GALNT13: variants seen among roughly 807,000 people sequenced by gnomAD.
GALNT13 encodes UDP-GalNAc:polypeptide N-acetylgalactosaminyltransferase 13.
A neutral mutation model predicts 64.2 loss-of-function variants in GALNT13; 28 were observed. That is an observed-to-expected ratio of 0.44 (90% confidence interval 0.32 to 0.60). The LOEUF (loss-of-function observed/expected upper bound fraction) is 0.60, where lower values mean the gene tolerates loss of function less well. Ranked by LOEUF, GALNT13 falls within the 20% of genes least tolerant of loss-of-function variation. The pLI is 0.05. For missense variants in GALNT13, 577 were observed against 669.8 expected (o/e 0.86, Z 1.53); for synonymous variants, 214 against 224.6 (o/e 0.95, Z 0.42).
At chr2:154,008,603 G>C (rs1161429895) in intron 3 of GALNT13, among the ~76,000 whole-genome samples, 1 of 151,900 alleles carries the variant, frequency 6.6e-6, no homozygotes, top group Non-Finnish European at 1.5e-5. Context: ...TGCTCAACTA[G>C]GCCCTAGTGT....
chr2:153,470,527 A>G, the GALNT13 span, among the ~76,000 whole-genome samples: 7 of 152,228 alleles, frequency 4.6e-5, no homozygotes, highest in East Asian at 1.4e-3. Context: ...AGGGGCATCC[A>G]TGTATTTTTC....
the GALNT13 span, among the ~76,000 whole-genome samples, chr2:153,549,337 A>C: frequency 1.3e-5 from 2 of 152,226 alleles, no homozygotes; most frequent in East Asian, 3.9e-4. Context: ...TTCCCGTATT[A>C]TTTAACTGTT....
chr2:153,257,622 G>T, the GALNT13 span, among the ~76,000 whole-genome samples: 13 of 152,040 alleles, frequency 8.6e-5, no homozygotes, highest in Non-Finnish European at 1.5e-4. Context: ...TTGTTTATCA[G>T]AGCCAAGAAA....
At chr2:153,998,831 G>T (rs927645704) in intron 3 of GALNT13, among the ~76,000 whole-genome samples, 9 of 152,030 alleles carry the variant, frequency 5.9e-5, no homozygotes, top group African/African-American at 2.2e-4. Context: ...TGTGAGGGAA[G>T]GGTCCAGTTT....
chr2:153,536,688 AC>A, the GALNT13 span, among the ~76,000 whole-genome samples: 2 of 151,998 alleles, frequency 1.3e-5, no homozygotes, highest in Admixed American at 6.6e-5. Flanking sequence ...ATAGTGTAGA[AC>A]TTTACATTGT....
intron 3 of GALNT13, among the ~76,000 whole-genome samples, chr2:154,071,453 A>G (rs2105390493): frequency 6.6e-6 from 1 of 152,326 alleles, no homozygotes; most frequent in East Asian, 1.9e-4. Context: ...TATTGCAGAC[A>G]GAAAAAACAT....
At chr2:153,602,426 G>A in the GALNT13 span, among the ~76,000 whole-genome samples, 1 of 151,622 alleles carries the variant, frequency 6.6e-6, no homozygotes, top group Non-Finnish European at 1.5e-5. Context: ...TTGGTGGGTA[G>A]GGGGGCAGGT....
the GALNT13 span, among the ~76,000 whole-genome samples, chr2:153,206,068 AG>A: frequency 6.6e-6 from 1 of 152,108 alleles, no homozygotes; most frequent in African/African-American, 2.4e-5. Flanking sequence ...TGAAAAAAAA[AG>A]AAAGAATAGT....
chr2:153,105,706 A>T, the GALNT13 span, among the ~76,000 whole-genome samples: 2 of 152,152 alleles, frequency 1.3e-5, no homozygotes, highest in Non-Finnish European at 2.9e-5. Flanking sequence ...AAAAATCACA[A>T]GCATTCTTAT....
At chr2:153,103,765 A>G in the GALNT13 span, among the ~76,000 whole-genome samples, 595 of 152,328 alleles carry the variant, frequency 3.9e-3, 4 homozygotes, top group African/African-American at 0.013. Context: ...CCTGTGCCTT[A>G]TTCATGACTG....
chr2:153,842,612 A>G, the GALNT13 span, among the ~76,000 whole-genome samples: 8 of 152,110 alleles, frequency 5.3e-5, no homozygotes, highest in East Asian at 1.9e-4. Flanking sequence ...CTGAAGAAAA[A>G]TTAAACTATC....
the GALNT13 span, among the ~76,000 whole-genome samples, chr2:153,858,201 A>AT: frequency 6.6e-6 from 1 of 152,178 alleles, no homozygotes; most frequent in Non-Finnish European, 1.5e-5. Context: ...TAAGTGCATC[A>AT]TAGGAAGAGG....
intron 11 of GALNT13, among the ~76,000 whole-genome samples, chr2:154,421,359 C>G (rs1700241800): frequency 6.6e-6 from 1 of 151,968 alleles, no homozygotes; most frequent in Admixed American, 6.6e-5. Context: ...GTGGAAGCTA[C>G]ACATCGATAT....
intron 2 of GALNT13, among the ~76,000 whole-genome samples, chr2:153,916,921 ATG>A: frequency 6.6e-6 from 1 of 152,202 alleles, no homozygotes; most frequent in African/African-American, 2.4e-5. Context: ...GTTAAGGTCT[ATG>A]ATAGCAGCAC....
rs772019445 is a variant in GALNT13 at position 154,409,133 on chromosome 2, A to G, written c.1395+51A>G. The G allele has an allele frequency of 3.5e-6, 4 of 1,127,248 alleles. No individual in the cohort carries two copies. The Admixed American group carries it at 6.8e-5, about 19-fold the overall frequency. The allele number at this position is 1,127,248 out of a possible 1,614,324, so 69.8% of individuals were successfully genotyped here. ...CATGTTTTAGAGGGAAAATATTGTT[A>G]AAACTATCAGTGGAGACCATGGCTC... On this transcript the variant is annotated intron_variant, in intron 11 of 12. Transcript: ENST00000392825.
At chr2:153,097,747 C>T in the GALNT13 span, among the ~76,000 whole-genome samples, 2 of 152,110 alleles carry the variant, frequency 1.3e-5, no homozygotes, top group African/African-American at 4.8e-5. Context: ...TTTGTGCTCT[C>T]TATTGTCAGA....
intron 3 of GALNT13, among the ~76,000 whole-genome samples, chr2:154,071,465 C>T (rs1700737873): frequency 6.6e-6 from 1 of 152,218 alleles, no homozygotes; most frequent in Admixed American, 6.5e-5. Context: ...AAAAAACATA[C>T]ATGCAATTTC....
At chr2:154,347,386 T>C (rs141154320) in intron 9 of GALNT13, among the ~76,000 whole-genome samples, 1 of 152,304 alleles carries the variant, frequency 6.6e-6, no homozygotes, top group South Asian at 2.1e-4. Flanking sequence ...TTAAAGCTTT[T>C]AACATAAGTT....
chr2:153,987,526 T>C (rs1263593932), intron 3 of GALNT13, among the ~76,000 whole-genome samples: 2 of 151,924 alleles, frequency 1.3e-5, no homozygotes, highest in Admixed American at 1.3e-4. Context: ...TATACACATG[T>C]TAAATGTTCC....
Sources: allele counts gnomAD v4.1 joint callset (sites outside exome capture counted in the v4.1 genomes callset), GRCh38; gene constraint gnomAD v4.1.1; transcripts MANE v1.5; gene names NCBI Gene and HGNC (gene_info 2026-07-23, HGNC 2026-07-21).